AGAP1: variants seen among roughly 807,000 people sequenced by gnomAD.
AGAP1 encodes the protein arf-GAP with GTPase, ANK repeat and PH domain-containing protein 1.
In AGAP1, 29 loss-of-function variants were observed where a neutral mutation model predicts 105.3. The observed-to-expected ratio is 0.28, with a 90% confidence interval of 0.21 to 0.38. The LOEUF (loss-of-function observed/expected upper bound fraction) is 0.38. Among genes scored for constraint, AGAP1 ranks in the 10% least tolerant of loss-of-function variants. The pLI, the probability that AGAP1 is intolerant of heterozygous loss-of-function variation, is 1.00. For missense variants in AGAP1, 998 were observed against 1,165.1 expected (o/e 0.86, Z 2.09); for synonymous variants, 509 against 485.9 (o/e 1.05, Z -0.63).
chr2:236,063,907 A>G (rs756033057), intron 16 of AGAP1, among the ~76,000 whole-genome samples: 18 of 152,210 alleles, frequency 1.2e-4, no homozygotes, highest in Non-Finnish European at 2.2e-4. Flanking sequence ...ACATCACTCA[A>G]TTTTAGGGAC....
intron 12 of AGAP1, among the ~76,000 whole-genome samples, chr2:235,939,933 A>C (rs948278270): frequency 6.6e-6 from 1 of 151,942 alleles, no homozygotes; most frequent in Non-Finnish European, 1.5e-5. Flanking sequence ...AAGATACCCA[A>C]ATTCACATCC....
intron 16 of AGAP1, among the ~76,000 whole-genome samples, chr2:236,118,042 C>T (rs1291453797): frequency 6.6e-6 from 1 of 152,094 alleles, no homozygotes; most frequent in Non-Finnish European, 1.5e-5. Flanking sequence ...AAAACTAATC[C>T]AGATTTACTC....
intron 1 of AGAP1, among the ~76,000 whole-genome samples, chr2:235,579,194 G>T (rs889116548): frequency 6.6e-6 from 1 of 152,126 alleles, no homozygotes; most frequent in Non-Finnish European, 1.5e-5. Context: ...CCCACTGAGG[G>T]CTTCAGAAAT....
Position 235,613,786 on chromosome 2 carries a change from A to G in AGAP1, c.164-95393A>G, listed in dbSNP as rs76574808. Among the ~76,000 whole-genome samples, 304 of 152,324 alleles carry G rather than the reference A, an allele frequency of 2.0e-3. 1 individual carries two copies. Among genetic ancestry groups the G allele is most frequent in the African/African-American group, 7.0e-3 (289 of 41,568 alleles). On this transcript the variant is annotated intron_variant, in intron 1 of 17. Transcript: ENST00000304032. ...AAAATATTCCTTTGTGAATGTGCCT[A>G]ATTGGCGCGGGCCTCCCTGTAGAAT...
rs1412891117 is a variant in AGAP1, at chr2:235,517,350, T to TG, written c.163+22501_163+22502insG. On this transcript the variant is annotated intron_variant, in intron 1 of 17. Transcript: ENST00000304032. The surrounding 1 kb of genome is among the most constrained non-coding windows in gnomAD (Gnocchi z 4.1). Reference sequence around the variant, plus strand: ...GGGATACTGCGCAGTCCGTACAGCATCCCTCCCTCCCTGGTGGTTTCTGAG... The same window carrying TG: ...GGGATACTGCGCAGTCCGTACAGCATGCCCTCCCTCCCTGGTGGTTTCTGAG... Among the ~76,000 whole-genome samples, 1 of 152,134 alleles carries TG rather than the reference T, an allele frequency of 6.6e-6. No individual in the cohort carries two copies.
intron 12 of AGAP1, among the ~76,000 whole-genome samples, chr2:235,944,249 C>T (rs551001833): frequency 1.3e-5 from 2 of 152,258 alleles, no homozygotes; most frequent in African/African-American, 2.4e-5. Context: ...TCGATAAATA[C>T]ATCACACTAT....
chr2:235,649,165 G>A (rs995659594), intron 1 of AGAP1, among the ~76,000 whole-genome samples: 14 of 152,178 alleles, frequency 9.2e-5, no homozygotes, highest in Admixed American at 9.2e-4. Flanking sequence ...GAAGAGGTAA[G>A]TGAAGTCACT....
chr2:236,085,904 G>A (rs1009137371), intron 16 of AGAP1, among the ~76,000 whole-genome samples: 8 of 152,250 alleles, frequency 5.3e-5, no homozygotes, highest in African/African-American at 1.2e-4. Context: ...AAATTCCAGC[G>A]TCCAGGCCGT....
At chr2:236,067,024 A>AT (rs34092115) in intron 16 of AGAP1, among the ~76,000 whole-genome samples, 107 of 149,572 alleles carry the variant, frequency 7.2e-4, no homozygotes, top group African/African-American at 1.6e-3. Flanking sequence ...TCACCAACCA[A>AT]TTTTTTTTTT....
At chr2:235,853,091 T>A in intron 9 of AGAP1, 2 of 1,230,894 alleles carry the variant, frequency 1.6e-6, no homozygotes, top group Non-Finnish European at 2.0e-6. Context: ...AATGAGCGTT[T>A]ACGCTCTTTC....
chr2:235,958,874 T>C lies in AGAP1; in HGVS notation c.1484-9588T>C, dbSNP rs1056785140. ...CGAGTGAAAAGTGAAACTGCTTCTTTGACTCATACTTCACGTTCCGAAGCT... is the reference window on the plus strand; with the variant it reads ...CGAGTGAAAAGTGAAACTGCTTCTTCGACTCATACTTCACGTTCCGAAGCT... On this transcript the variant is annotated intron_variant, in intron 12 of 17. Transcript: ENST00000304032. The surrounding 1 kb of genome is among the most constrained non-coding windows in gnomAD (Gnocchi z 4.1). 5.9e-5 allele frequency among the ~76,000 whole-genome samples: 9 copies of C among 152,244 alleles called. No homozygotes were observed. The highest frequency in any genetic ancestry group is 1.3e-4 in the Non-Finnish European group (9 of 68,044).
chr2:235,819,874 T>C (rs1958685762), intron 9 of AGAP1, among the ~76,000 whole-genome samples: 1 of 151,010 alleles, frequency 6.6e-6, no homozygotes, highest in Non-Finnish European at 1.5e-5. Context: ...GTTAATTGTG[T>C]AAAATGGCTT....
chr2:235,639,837 G>T lies in AGAP1; in HGVS notation c.164-69342G>T. On this transcript the variant is annotated intron_variant, in intron 1 of 17. Coordinates refer to ENST00000304032, the MANE Select transcript of AGAP1 (RefSeq NM_001037131.3). This position sits in a 1 kb window ranked among gnomAD's most constrained non-coding sequence, Gnocchi z 5.3. ...TAAACTGTTCTCGGACTTCTTTTTG[G>T]ATTATTTGCAACGTCTTGAGGGGTC... Among the ~76,000 whole-genome samples the T allele has an allele frequency of 1.3e-5, 2 of 152,144 alleles. No individual in the cohort carries two copies. Among genetic ancestry groups the T allele is most frequent in the East Asian group, 3.9e-4 (2 of 5,188 alleles).
chr2:235,637,515 C>A (rs1050169686), intron 1 of AGAP1, among the ~76,000 whole-genome samples: 2 of 151,746 alleles, frequency 1.3e-5, no homozygotes, highest in African/African-American at 2.4e-5. Context: ...CTCCTGGACT[C>A]AAGCTATCCT....
At chr2:236,041,818 G>A (rs574202579) in intron 15 of AGAP1, among the ~76,000 whole-genome samples, 2 of 152,318 alleles carry the variant, frequency 1.3e-5, no homozygotes, top group Non-Finnish European at 2.9e-5. Flanking sequence ...GGAGCTAAGC[G>A]CTGGGGAGAG....
intron 1 of AGAP1, among the ~76,000 whole-genome samples, chr2:235,506,678 C>T (rs1286022942): frequency 6.6e-6 from 1 of 152,126 alleles, no homozygotes; most frequent in African/African-American, 2.4e-5. Flanking sequence ...GGTTAGGAGC[C>T]ACCGGAAGCC....
rs184181716 is a variant in AGAP1 at position 236,119,415 on chromosome 2, T to A, written c.2115-777T>A. 6.6e-6 allele frequency among the ~76,000 whole-genome samples: 1 copy of A among 152,202 alleles called. No individual in the cohort carries two copies. Among genetic ancestry groups the A allele is most frequent in the African/African-American group, 2.4e-5 (1 of 41,464 alleles). ...TGCATCTCCCTGCTAAACCTCCTCA[T>A]TGGAGTCTCCACCCTCTCCTGCGTG... On this transcript the variant is annotated intron_variant, in intron 16 of 17. Transcript: ENST00000304032. This position sits in a 1 kb window ranked among gnomAD's most constrained non-coding sequence, Gnocchi z 6.6.
chr2:235,697,285 G>C (rs544755191), intron 1 of AGAP1, among the ~76,000 whole-genome samples: 2 of 152,348 alleles, frequency 1.3e-5, no homozygotes, highest in East Asian at 3.9e-4. Flanking sequence ...TCCATGTAGA[G>C]CATGGATTTG....
chr2:235,899,971 G>C (rs893995752), intron 10 of AGAP1, among the ~76,000 whole-genome samples: 1 of 152,194 alleles, frequency 6.6e-6, no homozygotes, highest in African/African-American at 2.4e-5. Context: ...AGAATTTTCT[G>C]CTTTTTGATT....
Sources: gnomAD v4.1 joint callset for allele counts (sites outside exome capture counted in the v4.1 genomes callset) on GRCh38, gnomAD v4.1.1 for gene constraint, Gnocchi (gnomAD v3.1) non-coding constraint, MANE v1.5 for transcripts, NCBI Gene and HGNC (gene_info 2026-07-23, HGNC 2026-07-21) for gene names.